The following PHLDB3 variants were observed in gnomAD, a reference collection of about 807,000 sequenced individuals.
PHLDB3 encodes the protein pleckstrin homology-like domain family B member 3.
Under a neutral mutation model 85.7 loss-of-function variants are expected in PHLDB3, and 86 were observed. That is an observed-to-expected ratio of 1.00 (90% confidence interval 0.84 to 1.20). PHLDB3 has a LOEUF of 1.20. PHLDB3 is among the 50% of genes most tolerant of loss of function. PHLDB3 has a pLI of 0.00. For missense variants in PHLDB3, 995 were observed against 873.0 expected (o/e 1.14, Z -1.76); for synonymous variants, 376 against 349.8 (o/e 1.07, Z -0.83).
intron 1 of PHLDB3, 60 bp from the exon 2 acceptor site, chr19:43,504,192 TC>T: frequency 7.0e-7 from 1 of 1,431,872 alleles, no homozygotes; most frequent in Admixed American, 2.4e-5. Context: ...TGAGCGCCGC[TC>T]GCGTCTGCTC....
At chr19:43,504,354 C>A (rs2145966225) in intron 1 of PHLDB3, 1 of 585,090 alleles carries the variant, frequency 1.7e-6, no homozygotes, top group Non-Finnish European at 3.0e-6. Context: ...GAATTTGAGT[C>A]CGGGTCGTAG....
intron 9 of PHLDB3, among the ~76,000 whole-genome samples, chr19:43,489,791 G>A (rs1433676695): frequency 1.3e-5 from 2 of 151,944 alleles, no homozygotes; most frequent in African/African-American, 2.4e-5. Context: ...CAGATCACCT[G>A]AGGTCAGGAG....
chr19:43,494,524 T>C (rs888482489), intron 9 of PHLDB3, among the ~76,000 whole-genome samples, 178 bp downstream of exon 9: 1 of 151,886 alleles, frequency 6.6e-6, no homozygotes, highest in Non-Finnish European at 1.5e-5. Context: ...AAAATAACAA[T>C]AATAAAGCTG....
chr19:43,500,685 G>C (rs1971565658), intron 4 of PHLDB3, among the ~76,000 whole-genome samples: 1 of 152,096 alleles, frequency 6.6e-6, no homozygotes, highest in Non-Finnish European at 1.5e-5. Flanking sequence ...CGCCCAGGTT[G>C]GAGTGCAATG....
intron 1 of PHLDB3, 186 bp from the exon 2 acceptor site, chr19:43,504,318 G>A (rs903670467): frequency 3.2e-6 from 2 of 618,562 alleles, no homozygotes; most frequent in Non-Finnish European, 5.5e-6. Context: ...TGGCTCCAAG[G>A]CGACACGCCA....
intron 14 of PHLDB3, 26 bp downstream of exon 14, chr19:43,479,351 G>C: frequency 5.8e-6 from 9 of 1,550,754 alleles, no homozygotes; most frequent in Non-Finnish European, 7.9e-6. Flanking sequence ...GCGTCCTGGG[G>C]CCCATGGTGG....
intron 9 of PHLDB3, among the ~76,000 whole-genome samples, chr19:43,488,133 G>A (rs1292452085): frequency 2.6e-5 from 4 of 151,122 alleles, no homozygotes; most frequent in South Asian, 2.1e-4. Flanking sequence ...CAGGCTGGAC[G>A]ACAGAGCGAG....
At chr19:43,475,609 C>G in intron 15 of PHLDB3, 65 bp from the exon 16 acceptor site, 2 of 1,598,304 alleles carry the variant, frequency 1.3e-6, no homozygotes, top group Non-Finnish European at 1.7e-6. Context: ...GGGTGCGAAC[C>G]CAGCCTTGCT....
intron 15 of PHLDB3, among the ~76,000 whole-genome samples, chr19:43,476,537 C>T (rs929897086): frequency 6.6e-6 from 1 of 151,878 alleles, no homozygotes; most frequent in African/African-American, 2.4e-5. Context: ...GTGGCACACA[C>T]ATATAGTCCT....
At chr19:43,480,401 G>A (rs1180234765) in intron 13 of PHLDB3, among the ~76,000 whole-genome samples, 1 of 151,830 alleles carries the variant, frequency 6.6e-6, no homozygotes, top group African/African-American at 2.4e-5. Context: ...GACCAGCCTG[G>A]GCAATATAGT....
Position 43,504,025 on chromosome 19 carries a change from A to G in PHLDB3, c.94T>C (p.Ser32Pro). The change falls in exon 2 of 16, where the codon TCC (serine) becomes CCC (proline). Residue 32 changes from serine (S) to proline (P), a missense_variant. Physicochemically the swap from Ser to Pro is moderately conservative, Grantham distance 74 (BLOSUM62 -1). Coordinates refer to ENST00000292140, the MANE Select transcript of PHLDB3 (RefSeq NM_198850.4). The stretch of plus-strand genomic sequence containing the variant: ...ACTTCGGATGCCTCCTGTTCCCGGG[A>G]CTCCTCGGGATGGCCCTGGGGCTGG... Reference protein sequence around the residue: ...EVQPQGHPEESREQEASEVLA... With the variant: ...EVQPQGHPEEPREQEASEVLA... 11 of 1,612,740 alleles carry G rather than the reference A, an allele frequency of 6.8e-6. No homozygotes were observed. The highest frequency in any genetic ancestry group is 9.3e-6 in the Non-Finnish European group (11 of 1,179,496).
intron 15 of PHLDB3, among the ~76,000 whole-genome samples, chr19:43,477,808 A>T (rs915950892): frequency 5.1e-5 from 7 of 137,548 alleles, no homozygotes; most frequent in East Asian, 2.0e-4. Context: ...ACTCTGTCTT[A>T]AAAAAAAAAA....
intron 15 of PHLDB3, among the ~76,000 whole-genome samples, chr19:43,477,106 A>T (rs1208302205): frequency 6.6e-6 from 1 of 152,198 alleles, no homozygotes; most frequent in Non-Finnish European, 1.5e-5. Flanking sequence ...CGCCTGGCAG[A>T]TCATCTCCTT....
intron 9 of PHLDB3, among the ~76,000 whole-genome samples, chr19:43,490,778 G>T (rs1179161572): frequency 6.6e-6 from 1 of 152,156 alleles, no homozygotes; most frequent in South Asian, 2.1e-4. Flanking sequence ...CACTTATGTT[G>T]TAGGAACTGC....
At chr19:43,490,875 C>T (rs1433929062) in intron 9 of PHLDB3, among the ~76,000 whole-genome samples, 1 of 152,192 alleles carries the variant, frequency 6.6e-6, no homozygotes, top group African/African-American at 2.4e-5. Flanking sequence ...GTAGGCAAGT[C>T]ATTTCTCTTC....
Position 43,487,096 on chromosome 19 carries a change from T to A in PHLDB3, c.1177A>T (p.Ser393Cys). 6.4e-7 allele frequency: 1 copy of A among 1,568,876 alleles called. No individual in the cohort carries two copies. The highest frequency in any genetic ancestry group is 8.6e-7 in the Non-Finnish European group (1 of 1,156,660). ...QGSIGLQRTGSLPRKRGERGS... is the reference protein window; with the variant it reads ...QGSIGLQRTGCLPRKRGERGS... ...CTCTCCCCCCTTTTCCGGGGCAGGC[T>A]CCCAGTCCTCTGGAGGCCAATGGAG... The change falls in exon 10 of 16, where the codon AGC becomes TGC. Residue 393 changes from serine to cysteine, a missense_variant. By Grantham distance (112) the Ser-to-Cys change is moderately radical (BLOSUM62 -1). Coordinates refer to ENST00000292140, the MANE Select transcript of PHLDB3 (RefSeq NM_198850.4).
intron 9 of PHLDB3, among the ~76,000 whole-genome samples, chr19:43,492,723 C>T (rs903998764): frequency 4.6e-5 from 7 of 151,762 alleles, no homozygotes; most frequent in African/African-American, 1.7e-4. Flanking sequence ...GGTTAAACAA[C>T]TTAACCTCTC....
chr19:43,494,889 GC>G, intron 8 of PHLDB3, 74 bp from the exon 9 acceptor site: 2 of 1,114,030 alleles, frequency 1.8e-6, no homozygotes, highest in Non-Finnish European at 2.6e-6. Context: ...ACGTGCTCTG[GC>G]CCATGCCTCT....
In PHLDB3 at chr19:43,487,051, G is replaced by A. The variant is rs200551584; in HGVS notation, c.1222C>T (p.Pro408Ser). Residue 408 changes from proline to serine, a missense_variant, in exon 10 of 16, where the codon CCC (proline) becomes TCC (serine). Physicochemically the swap from Pro to Ser is moderately conservative, Grantham distance 74. Transcript: ENST00000292140. ...GTACAATGGAAGGACAGAGGTCGGG[G>A]GGATCCTCTCTGGCTCCCCCTCTCC... ...RGERGSQRGS[P>S]RPLSFHCTES... 678 of 1,579,144 alleles carry A rather than the reference G, an allele frequency of 4.3e-4. 1 individual carries two copies. The highest frequency in any genetic ancestry group is 5.4e-4 in the Non-Finnish European group (627 of 1,164,024).
Sources: allele counts gnomAD v4.1 joint callset (sites outside exome capture counted in the v4.1 genomes callset), GRCh38; gene constraint gnomAD v4.1.1; transcripts MANE v1.5; gene names NCBI Gene and HGNC (gene_info 2026-07-23, HGNC 2026-07-21).